PRDM4: variants seen among roughly 807,000 people sequenced by gnomAD.
PRDM4 encodes PR/SET domain 4.
Under a neutral mutation model 62.3 loss-of-function variants are expected in PRDM4, and 38 were observed. The observed-to-expected ratio is 0.61, with a 90% confidence interval of 0.47 to 0.80. The LOEUF is 0.80. PRDM4 is among the 30% of genes least tolerant of loss of function. PRDM4 has a pLI of 0.00. For synonymous variants in PRDM4, 339 were observed against 348.2 expected, an observed-to-expected ratio of 0.97 and a Z score of 0.30; for missense variants, 858 against 997.1, an observed-to-expected ratio of 0.86 and a Z score of 1.88.
chr12:107,751,287 G>A (rs149951921), intron 5 of PRDM4, 128 bp downstream of exon 5: 10 of 925,262 alleles, frequency 1.1e-5, no homozygotes, highest in Non-Finnish European at 1.4e-5. Context: ...CAATACCAAG[G>A]CAAAGAAAAG....
intron 5 of PRDM4, among the ~76,000 whole-genome samples, chr12:107,748,234 G>A (rs757512530): frequency 6.6e-6 from 1 of 152,038 alleles, no homozygotes; most frequent in Non-Finnish European, 1.5e-5. Context: ...TGGCAAAAAT[G>A]TGGAGAAATT....
At chr12:107,750,543 A>G (rs772325707) in intron 5 of PRDM4, among the ~76,000 whole-genome samples, 2 of 152,168 alleles carry the variant, frequency 1.3e-5, no homozygotes, top group African/African-American at 2.4e-5. Flanking sequence ...CCCTATCAAT[A>G]AATTAAAATA....
chr12:107,760,650 T>C lies in PRDM4; in HGVS notation c.-135A>G. 8.9e-7 allele frequency: 1 copy of C among 1,123,238 alleles called. No individual in the cohort carries two copies. The highest frequency in any genetic ancestry group is 1.3e-6 in the Non-Finnish European group (1 of 798,294). The allele number at this position is 1,123,238 out of a possible 1,614,324, so 69.6% of individuals were successfully genotyped here. A position where few individuals can be genotyped will look rare whatever the true frequency, so the allele number is the denominator to read the frequency against. ...CCGACGCGGCCACTCGTCCCCGGGGTCGCCCGGGGCCGCCCAACTTCTCCC... is the reference window on the plus strand; with the variant it reads ...CCGACGCGGCCACTCGTCCCCGGGGCCGCCCGGGGCCGCCCAACTTCTCCC... On this transcript the variant is annotated 5_prime_UTR_variant, in exon 2 of 12. Transcript: ENST00000228437.
intron 5 of PRDM4, 91 bp from the exon 6 acceptor site, chr12:107,746,515 T>C (rs1890713197): frequency 4.8e-6 from 6 of 1,260,820 alleles, no homozygotes; most frequent in South Asian, 1.6e-5. Flanking sequence ...AGACAAAGTC[T>C]TGCTCTGCAC....
rs767675481 is a variant in PRDM4, at chr12:107,734,280, A to C, written c.2336T>G (p.Val779Gly). Residue 779 changes from valine (V) to glycine (G), a missense_variant, in exon 12 of 12, where the codon GTG (valine) becomes GGG (glycine). Coordinates refer to ENST00000228437, the MANE Select transcript of PRDM4 (RefSeq NM_012406.4). ...DSEEEDLADS[V>G]GTEDCRINSA... ...GTTAATCCTACAGTCTTCTGTCCCC[A>C]CAGAGTCTGCTAGATCTTCCTCTTC... The C allele has an allele frequency of 2.5e-6, 4 of 1,614,150 alleles. No individual in the cohort carries two copies. Among genetic ancestry groups the C allele is most frequent in the Non-Finnish European group, 3.4e-6 (4 of 1,180,018 alleles).
In PRDM4 at chr12:107,742,207, A is replaced by T; in HGVS notation, c.1609+14T>A. 1 of 1,606,730 alleles carries T rather than the reference A, an allele frequency of 6.2e-7. No homozygotes were observed. The highest frequency in any genetic ancestry group is 8.5e-7 in the Non-Finnish European group (1 of 1,176,786). ...TTACTAAGCCAGATTCATTATAAAC[A>T]CATATTAACTTACCAATCTGTTGAG... On this transcript the variant is annotated intron_variant, in intron 9 of 11. Coordinates refer to ENST00000228437, the MANE Select transcript of PRDM4 (RefSeq NM_012406.4).
rs1466026124 is a variant in PRDM4, at chr12:107,756,882, C to T, written c.95G>A (p.Ser32Asn). The change falls in exon 3 of 12, where the codon AGT (serine) becomes AAT (asparagine). Residue 32 changes from serine (S) to asparagine (N), a missense_variant. Ser to Asn is a conservative substitution (Grantham distance 46, BLOSUM62 1). Coordinates refer to ENST00000228437, the MANE Select transcript of PRDM4 (RefSeq NM_012406.4). The stretch of plus-strand genomic sequence containing the variant: ...GGGTGAGGCAGCCAATCCCAGGTGA[C>T]TTCCTGAGACTGGCAAGGCATTGCT... The part of the protein sequence containing the change: ...SVSNALPVSG[S>N]HLGLAASPTH... The T allele has an allele frequency of 7.4e-6, 12 of 1,614,164 alleles. No individual in the cohort carries two copies. The highest frequency in any genetic ancestry group is 1.0e-5 in the Non-Finnish European group (12 of 1,180,034).
chr12:107,753,876 C>G (rs747740493), intron 4 of PRDM4, 48 bp downstream of exon 4: 1 of 1,530,686 alleles, frequency 6.5e-7, no homozygotes, highest in Non-Finnish European at 8.9e-7. Context: ...AGTTTAAAAG[C>G]TGGCGCCGTT....
At chr12:107,738,538 T>C (rs893679464) in intron 11 of PRDM4, 1 of 152,244 alleles carries the variant, frequency 6.6e-6, no homozygotes, top group African/African-American at 2.4e-5. Context: ...AAACATTTTC[T>C]TCCTCTTCTG....
chr12:107,757,760 C>T (rs1891107575), intron 2 of PRDM4, among the ~76,000 whole-genome samples: 1 of 152,056 alleles, frequency 6.6e-6, no homozygotes, highest in Non-Finnish European at 1.5e-5. Context: ...TAACTACAGA[C>T]TATTTTTGGC....
chr12:107,751,855 G>A lies in PRDM4; in HGVS notation c.686C>T (p.Ser229Phe). 2 of 1,614,206 alleles carry A rather than the reference G, an allele frequency of 1.2e-6. No homozygotes were observed. Among genetic ancestry groups the A allele is most frequent in the South Asian group, 1.1e-5 (1 of 91,084 alleles). ...CACAGACAGAGGTTCATGACTTCTG[G>A]AGCCATTTGGGATTTGGGAATGCTC... Reference protein sequence around the residue: ...AGEHSQIPNGSRSHEPLSVDS... With the variant: ...AGEHSQIPNGFRSHEPLSVDS... Residue 229 changes from serine (S) to phenylalanine (F), a missense_variant, in exon 5 of 12, where the codon TCC becomes TTC. Ser to Phe is a radical substitution (Grantham distance 155, BLOSUM62 -2). Coordinates refer to ENST00000228437, the MANE Select transcript of PRDM4 (RefSeq NM_012406.4).
intron 9 of PRDM4, among the ~76,000 whole-genome samples, chr12:107,741,841 T>TA (rs1362670748): frequency 6.6e-6 from 1 of 152,204 alleles, no homozygotes; most frequent in Non-Finnish European, 1.5e-5. Flanking sequence ...CCCAAACTCT[T>TA]AAACATTAGC....
intron 2 of PRDM4, among the ~76,000 whole-genome samples, chr12:107,759,039 C>T (rs1371225593): frequency 1.3e-5 from 2 of 152,172 alleles, no homozygotes; most frequent in African/African-American, 4.8e-5. Context: ...GAGGCCAAGG[C>T]AGAAGGATCG....
intron 5 of PRDM4, among the ~76,000 whole-genome samples, 159 bp downstream of exon 5, chr12:107,751,256 G>A (rs1307033895): frequency 6.6e-6 from 1 of 152,174 alleles, no homozygotes; most frequent in African/African-American, 2.4e-5. Context: ...TGAAGAAAAG[G>A]CACCACATTA....
Position 107,751,446 on chromosome 12 carries a change from G to A in PRDM4, c.1095C>T (p.Asn365=), listed in dbSNP as rs377166874. 1 of 1,608,912 alleles carries A rather than the reference G, an allele frequency of 6.2e-7. No individual in the cohort carries two copies. The highest frequency in any genetic ancestry group is 8.5e-7 in the Non-Finnish European group (1 of 1,175,550). ...PSLQMEDSNS[N]KENMATLFTI... ...TAAACAAGGTTGCCATGTTCTCCTT[G>A]TTTGAATTGGAGTCTTCCATTTGCA... The change falls in exon 5 of 12, where the codon AAC becomes AAT. Residue 365 remains asparagine, a synonymous_variant. Transcript: ENST00000228437.
In PRDM4 at chr12:107,751,378, C is replaced by T. The variant is rs753184989; in HGVS notation, c.1126+37G>A. The T allele has an allele frequency of 6.4e-6, 10 of 1,555,192 alleles. No individual in the cohort carries two copies. In the East Asian group the frequency reaches 1.8e-4, roughly 28 times the overall value. ...TTGTTAGGGATGGTGGCCCTTTTTA[C>T]AAATATTTCCAAAAAAGAAAGGCTA... is the stretch of plus-strand genomic sequence containing the variant. On this transcript the variant is annotated intron_variant, in intron 5 of 11. Coordinates refer to ENST00000228437, the MANE Select transcript of PRDM4 (RefSeq NM_012406.4).
intron 2 of PRDM4, among the ~76,000 whole-genome samples, chr12:107,759,247 T>A (rs1891153374): frequency 6.6e-6 from 1 of 152,166 alleles, no homozygotes; most frequent in Admixed American, 6.5e-5. Flanking sequence ...AGAGTGAGAC[T>A]GTGTCTTAAA....
rs1890243793 is a variant in PRDM4 at position 107,733,874 on chromosome 12, A to C, written c.*336T>G. 1 of 247,438 alleles carries C rather than the reference A, an allele frequency of 4.0e-6. No homozygotes were observed. 15.3% of individuals were successfully genotyped at this position (247,438 alleles called of 1,614,324 possible). ...AGCAGGAAAATGGAATAATGGAAGAATGTGAAATAAATCTGATTTGTTTGA... is the reference window on the plus strand; with the variant it reads ...AGCAGGAAAATGGAATAATGGAAGACTGTGAAATAAATCTGATTTGTTTGA... On this transcript the variant is annotated 3_prime_UTR_variant, in exon 12 of 12. Coordinates refer to ENST00000228437, the MANE Select transcript of PRDM4 (RefSeq NM_012406.4).
At chr12:107,747,477 T>A (rs1292285841) in intron 5 of PRDM4, among the ~76,000 whole-genome samples, 1 of 152,210 alleles carries the variant, frequency 6.6e-6, no homozygotes, top group African/African-American at 2.4e-5. Flanking sequence ...AGCCTGCTCT[T>A]TCAAAGGGCA....
Sources: allele counts gnomAD v4.1 joint callset (sites outside exome capture counted in the v4.1 genomes callset), GRCh38; gene constraint gnomAD v4.1.1; transcripts MANE v1.5; gene names NCBI Gene and HGNC (gene_info 2026-07-23, HGNC 2026-07-21).